The following CYFIP2 variants were observed in gnomAD, a reference collection of about 807,000 sequenced individuals.
CYFIP2 encodes the protein cytoplasmic FMR1 interacting protein 2.
CYFIP2 carries 29 observed loss-of-function variants against 158.7 expected under a neutral mutation model. That is an observed-to-expected ratio of 0.18 (90% CI 0.14 to 0.25). The LOEUF (loss-of-function observed/expected upper bound fraction) is 0.25, where lower values mean the gene tolerates loss of function less well. Among genes scored for constraint, CYFIP2 ranks in the 10% least tolerant of loss-of-function variants. CYFIP2 has a pLI of 1.00. For synonymous variants in CYFIP2, 585 were observed against 617.6 expected (o/e 0.95, Z 0.78); for missense variants, 852 against 1,639.5 (o/e 0.52, Z 8.29).
At chr5:157,347,077 T>C (rs1202563150) in intron 23 of CYFIP2, among the ~76,000 whole-genome samples, 1 of 152,210 alleles carries the variant, frequency 6.6e-6, no homozygotes, top group African/African-American at 2.4e-5. Context: ...ATTATATGTT[T>C]TTAAAAGTCA....
chr5:157,343,549 A>G, intron 23 of CYFIP2: 1 of 1,536,846 alleles, frequency 6.5e-7, no homozygotes, highest in Non-Finnish European at 8.8e-7. Context: ...CGATTCTGGA[A>G]CCAGAATCAA....
At chr5:157,275,241 A>G (rs1359754096) in intron 1 of CYFIP2, among the ~76,000 whole-genome samples, 1 of 152,160 alleles carries the variant, frequency 6.6e-6, no homozygotes, top group African/African-American at 2.4e-5. Flanking sequence ...GTTATTACAT[A>G]ATTCAAGGTC....
chr5:157,280,603 T>TG (rs1756922345), intron 1 of CYFIP2, among the ~76,000 whole-genome samples: 1 of 152,040 alleles, frequency 6.6e-6, no homozygotes, highest in Non-Finnish European at 1.5e-5. Context: ...GGATAAGAGC[T>TG]GGGAGCTTAT....
At chr5:157,385,441 G>A (rs1003143736) in intron 28 of CYFIP2, among the ~76,000 whole-genome samples, 2 of 152,224 alleles carry the variant, frequency 1.3e-5, no homozygotes, top group African/African-American at 4.8e-5. Flanking sequence ...GTACTCGTAA[G>A]ATATCTAGGA....
intron 21 of CYFIP2, among the ~76,000 whole-genome samples, chr5:157,333,849 T>G (rs1761664074): frequency 6.6e-6 from 1 of 152,198 alleles, no homozygotes; most frequent in South Asian, 2.1e-4. Flanking sequence ...CTTCACTATC[T>G]TGAAATTCTT....
chr5:157,358,462 C>T (rs753120825), intron 23 of CYFIP2, among the ~76,000 whole-genome samples: 4 of 152,132 alleles, frequency 2.6e-5, no homozygotes, highest in Admixed American at 2.0e-4. Flanking sequence ...AACTAAGGCT[C>T]GAAAACTGTA....
intron 15 of CYFIP2, 39 bp from the exon 16 acceptor site, chr5:157,323,882 G>A (rs1760806161): frequency 1.3e-6 from 2 of 1,493,414 alleles, no homozygotes; most frequent in African/African-American, 1.4e-5. Context: ...GGGGTAGAGG[G>A]CCAGCTTCTG....
intron 1 of CYFIP2, among the ~76,000 whole-genome samples, chr5:157,280,823 A>G (rs1329994255): frequency 6.6e-6 from 1 of 152,122 alleles, no homozygotes; most frequent in Non-Finnish European, 1.5e-5. Context: ...ATCTTTCTGG[A>G]AGATATAGGT....
intron 25 of CYFIP2, among the ~76,000 whole-genome samples, chr5:157,360,659 G>A (rs753872611): frequency 6.6e-6 from 1 of 152,200 alleles, no homozygotes; most frequent in Non-Finnish European, 1.5e-5. Context: ...CAGGTTATTA[G>A]AAAAGGTATT....
intron 8 of CYFIP2, 139 bp from the exon 9 acceptor site, chr5:157,307,617 ATAATG>A (rs1433335475): frequency 1.2e-5 from 5 of 411,642 alleles, no homozygotes; most frequent in Non-Finnish European, 2.1e-5. Context: ...TTTTCATAAT[ATAATG>A]TGTGTCTCTA....
At chr5:157,326,009 G>A in intron 17 of CYFIP2, 162 bp from the exon 18 acceptor site, 1 of 621,286 alleles carries the variant, frequency 1.6e-6, no homozygotes, top group Non-Finnish European at 2.8e-6. Context: ...TGACTGTAAA[G>A]TAAGTTGCTT....
At chr5:157,383,610 A>C in intron 28 of CYFIP2, 1 of 393,566 alleles carries the variant, frequency 2.5e-6, no homozygotes, top group East Asian at 4.1e-5. Flanking sequence ...TTATTTAAAC[A>C]AGTATCTACT....
Position 157,307,883 on chromosome 5 carries a change from G to C in CYFIP2, c.900+18G>C, listed in dbSNP as rs1561712033. ...TCTTTAAGGTCAGCAACTGGGGCTG[G>C]GGCTGGGCAGAGGGCTGAGGTTACC... On this transcript the variant is annotated intron_variant, in intron 9 of 30. Transcript: ENST00000620254. 1 of 1,466,330 alleles carries C rather than the reference G, an allele frequency of 6.8e-7. No homozygotes were observed. The highest frequency in any genetic ancestry group is 9.4e-7 in the Non-Finnish European group (1 of 1,059,192). 90.8% of individuals were successfully genotyped at this position (1,466,330 alleles called of 1,614,324 possible).
chr5:157,323,304 A>AG (rs1760753802), intron 15 of CYFIP2, among the ~76,000 whole-genome samples: 1 of 152,144 alleles, frequency 6.6e-6, no homozygotes, highest in African/African-American at 2.4e-5. Flanking sequence ...GATGCCACCA[A>AG]GGGGGCGCCA....
intron 16 of CYFIP2, 47 bp downstream of exon 16, chr5:157,324,121 G>A (rs931360097): frequency 6.4e-7 from 1 of 1,558,658 alleles, no homozygotes; most frequent in Admixed American, 1.8e-5. Context: ...AGGGGATGAG[G>A]GCTCTCAGAG....
At position 157,339,118 on chromosome 5, in the gene CYFIP2, C is replaced by T. The variant is rs763792787; in HGVS notation, c.2447C>T (p.Thr816Met). 1.3e-5 allele frequency: 21 copies of T among 1,613,840 alleles called. No individual in the cohort carries two copies. Among genetic ancestry groups the T allele is most frequent in the African/African-American group, 4.0e-5 (3 of 74,914 alleles). The change falls in exon 22 of 31, where the codon ACG (threonine) becomes ATG (methionine). Residue 816 changes from threonine to methionine, a missense_variant. Thr to Met is a moderately conservative substitution (Grantham distance 81). Transcript: ENST00000620254. ...CATCGGCTGCTCTGTAAGCATATGA[C>T]GCTGGACAGCTTCGATGCCATGTTC... ...LTHRLLCKHM[T>M]LDSFDAMFRE...
chr5:157,335,526 T>G (rs1761787495), intron 21 of CYFIP2, among the ~76,000 whole-genome samples: 1 of 152,236 alleles, frequency 6.6e-6, no homozygotes, highest in East Asian at 1.9e-4. Context: ...TCTGCCTGCC[T>G]TGGCCTCCCA....
chr5:157,349,005 T>A (rs1762887258), intron 23 of CYFIP2, among the ~76,000 whole-genome samples: 1 of 150,862 alleles, frequency 6.6e-6, no homozygotes, highest in African/African-American at 2.4e-5. Flanking sequence ...GGTCTCGAAC[T>A]CCTGGGCTCA....
chr5:157,335,858 A>G (rs6897233), intron 21 of CYFIP2, among the ~76,000 whole-genome samples: 31,287 of 151,990 alleles, frequency 0.21, 3,463 homozygotes, highest in African/African-American at 0.26. Flanking sequence ...AATAATGAGC[A>G]TATCTTATGG....
Sources: allele counts gnomAD v4.1 joint callset (sites outside exome capture counted in the v4.1 genomes callset), GRCh38; gene constraint gnomAD v4.1.1; transcripts MANE v1.5; gene names NCBI Gene and HGNC (gene_info 2026-07-23, HGNC 2026-07-21).